Variants in THG1L observed in about 807,000 individuals in gnomAD.
THG1L encodes the protein tRNA-histidine guanylyltransferase 1 like.
Under a neutral mutation model 35.2 loss-of-function variants are expected in THG1L, and 27 were observed. The observed-to-expected ratio is 0.77, with a 90% confidence interval of 0.57 to 1.06. THG1L has a LOEUF of 1.06. Among genes scored for constraint, THG1L ranks in the 50% least tolerant of loss-of-function variants. The pLI is 0.00. For synonymous variants in THG1L, 135 were observed against 132.4 expected, an observed-to-expected ratio of 1.02 and a Z score of -0.14; for missense variants, 377 against 371.8, an observed-to-expected ratio of 1.01 and a Z score of -0.12.
chr5:157,735,767 G>T (rs1760854886), intron 3 of THG1L, 79 bp from the exon 4 acceptor site: 2 of 971,910 alleles, frequency 2.1e-6, no homozygotes, highest in South Asian at 1.6e-5. Context: ...AGAGGGTCAG[G>T]GCTCTAGTAT....
intron 1 of THG1L, among the ~76,000 whole-genome samples, chr5:157,732,262 A>G (rs1284616269): frequency 1.4e-5 from 2 of 148,012 alleles, no homozygotes; most frequent in Non-Finnish European, 3.0e-5. Context: ...AGAGAGAGAA[A>G]GAAGGAAGAG....
rs1319921834 is a variant in THG1L, at chr5:157,734,716, A to G, written c.509A>G (p.Lys170Arg). 2 of 1,614,060 alleles carry G rather than the reference A, an allele frequency of 1.2e-6. No homozygotes were observed. The highest frequency in any genetic ancestry group is 2.7e-5 in the African/African-American group (2 of 74,932). The change falls in exon 3 of 6, where the codon AAG becomes AGG. Residue 170 changes from lysine (K) to arginine (R), a missense_variant. Lys to Arg is a conservative substitution (Grantham distance 26). Coordinates refer to ENST00000231198, the MANE Select transcript of THG1L (RefSeq NM_017872.5). ...GTGTATCCCAGCAACCAGACTTTAA[A>G]GGACTACCTCAGCTGGCGACAAGCA... ...VVVYPSNQTL[K>R]DYLSWRQADC...
chr5:157,731,728 T>G (rs1760728109), intron 1 of THG1L, 97 bp downstream of exon 1: 578 of 1,456,784 alleles, frequency 4.0e-4, no homozygotes, highest in Middle Eastern at 5.1e-4. Context: ...CAGTCACGGT[T>G]ACCAGGGTAA....
Position 157,732,948 on chromosome 5 carries a change from T to C in THG1L, c.272T>C (p.Met91Thr). ...ATGACCAAATGTGCGCAGACTGTGA[T>C]GGAAGAACTAGAGGATATTGTGATC... ...QLMTKCAQTV[M>T]EELEDIVIAY... is the part of the protein sequence containing the mutation. The change falls in exon 2 of 6, where the codon ATG becomes ACG. Residue 91 changes from methionine to threonine, a missense_variant. By Grantham distance (81) the Met-to-Thr change is moderately conservative (BLOSUM62 -1). Coordinates refer to ENST00000231198, the MANE Select transcript of THG1L (RefSeq NM_017872.5). 1.9e-6 allele frequency: 3 copies of C among 1,614,238 alleles called. No homozygotes were observed. The highest frequency in any genetic ancestry group is 2.5e-6 in the Non-Finnish European group (3 of 1,180,048).
In THG1L at chr5:157,739,522, G is replaced by A. The variant is rs763722405; in HGVS notation, c.*40G>A. The A allele has an allele frequency of 1.1e-5, 17 of 1,582,788 alleles. No homozygotes were observed. Among genetic ancestry groups the A allele is most frequent in the African/African-American group, 5.4e-5 (4 of 73,810 alleles). ...AGTTCTGGTGTGCTTAACCATGCAA[G>A]CCCTCCCACCTCCCAGGGCTCCTTG... is the stretch of plus-strand genomic sequence containing the variant. On this transcript the variant is annotated 3_prime_UTR_variant, in exon 6 of 6. Transcript: ENST00000231198.
intron 4 of THG1L, 113 bp from the exon 5 acceptor site, chr5:157,737,774 A>C: frequency 1.3e-6 from 1 of 746,096 alleles, no homozygotes; most frequent in Non-Finnish European, 2.2e-6. Context: ...GATGTTTGAT[A>C]AAATCCTTCC....
At chr5:157,737,821 T>C in intron 4 of THG1L, 66 bp from the exon 5 acceptor site, 1 of 1,273,082 alleles carries the variant, frequency 7.9e-7, no homozygotes, top group Non-Finnish European at 1.1e-6. Flanking sequence ...GTGGGTCGAA[T>C]GGATAGTAGC....
At chr5:157,735,230 G>A (rs555748516) in intron 3 of THG1L, among the ~76,000 whole-genome samples, 7 of 152,098 alleles carry the variant, frequency 4.6e-5, no homozygotes, top group Non-Finnish European at 7.4e-5. Context: ...GAGCCACCAC[G>A]CCCAGCCGCC....
Position 157,734,727 on chromosome 5 carries a change from A to G in THG1L, c.520A>G (p.Ser174Gly). The G allele has an allele frequency of 6.2e-7, 1 of 1,614,160 alleles. No homozygotes were observed. Among genetic ancestry groups the G allele is most frequent in the South Asian group, 1.1e-5 (1 of 91,082 alleles). The change falls in exon 3 of 6, where the codon AGC becomes GGC. Residue 174 changes from serine (S) to glycine (G), a missense_variant. By Grantham distance (56) the Ser-to-Gly change is moderately conservative. Transcript: ENST00000231198. ...PSNQTLKDYL[S>G]WRQADCHINN... ...CAACCAGACTTTAAAGGACTACCTC[A>G]GCTGGCGACAAGCAGATTGTGAGTG...
rs900565288 is a variant in THG1L at position 157,739,797 on chromosome 5, A to G, written c.*315A>G. 5 of 205,434 alleles carry G rather than the reference A, an allele frequency of 2.4e-5. No homozygotes were observed. The Admixed American group carries it at 3.0e-4, about 12-fold the overall frequency. The allele number at this position is 205,434 out of a possible 1,614,324, so 12.7% of individuals were successfully genotyped here. ...GAGAATGAATCATTTTTAGATTGTG[A>G]CATAAATCTTGTAAAAACCTGTCAG... On this transcript the variant is annotated 3_prime_UTR_variant, in exon 6 of 6. Coordinates refer to ENST00000231198, the MANE Select transcript of THG1L (RefSeq NM_017872.5).
At chr5:157,736,360 G>A (rs1040162447) in intron 4 of THG1L, among the ~76,000 whole-genome samples, 9 of 151,304 alleles carry the variant, frequency 5.9e-5, no homozygotes, top group East Asian at 5.8e-4. Flanking sequence ...AGCGATTCTC[G>A]TGCCTCAGCC....
At chr5:157,736,079 G>C in intron 4 of THG1L, 145 bp downstream of exon 4, 1 of 619,660 alleles carries the variant, frequency 1.6e-6, no homozygotes, top group Non-Finnish European at 2.8e-6. Context: ...ATCATAATAG[G>C]AGCAGCTCTG....
At chr5:157,732,171 GT>G (rs1760739807) in intron 1 of THG1L, among the ~76,000 whole-genome samples, 2 of 92,368 alleles carry the variant, frequency 2.2e-5, no homozygotes, top group African/African-American at 8.1e-5. Flanking sequence ...TTTTGTTTTT[GT>G]TTTGTTTTTT....
chr5:157,739,465 C>G lies in THG1L; in HGVS notation c.880C>G (p.Leu294Val). ...TTTCTGGAAGGAACATCCAGAGATT[C>G]TAGATGAAGACAGCTGACCCTTTTG... ...DAFWKEHPEI[L>V]DEDS The change falls in exon 6 of 6, where the codon CTA (leucine) becomes GTA (valine). Residue 294 changes from leucine (L) to valine (V), a missense_variant. Physicochemically the swap from Leu to Val is conservative, Grantham distance 32. Transcript: ENST00000231198. The G allele has an allele frequency of 1.2e-6, 2 of 1,612,928 alleles. No individual in the cohort carries two copies. The highest frequency in any genetic ancestry group is 1.7e-4 in the Middle Eastern group (1 of 6,058).
rs1472748609 is a variant in THG1L, at chr5:157,740,201, T to C, written c.*719T>C. 1 of 152,238 alleles carries C rather than the reference T, an allele frequency of 6.6e-6. No homozygotes were observed. Among genetic ancestry groups the C allele is most frequent in the African/African-American group, 2.4e-5 (1 of 41,456 alleles). The allele number at this position is 152,238 out of a possible 1,614,324, so 9.4% of individuals were successfully genotyped here. On this transcript the variant is annotated 3_prime_UTR_variant, in exon 6 of 6. Transcript: ENST00000231198. ...GAAGAAACAGAATTATGTGTATATATGAGAGAAAGAAACAAGAATGCGTGA... is the reference window on the plus strand; with the variant it reads ...GAAGAAACAGAATTATGTGTATATACGAGAGAAAGAAACAAGAATGCGTGA...
rs961840756 is a variant in THG1L at position 157,737,886 on chromosome 5, G to A, written c.628-1G>A. 6.2e-7 allele frequency: 1 copy of A among 1,610,516 alleles called. No homozygotes were observed. Reference sequence around the variant, plus strand: ...TTTAATATCTATTTTTATTTTCTCAGGGAACTCTTGCAGCAGACAAGAATG... The same window carrying A: ...TTTAATATCTATTTTTATTTTCTCAAGGAACTCTTGCAGCAGACAAGAATG... On this transcript the variant is annotated splice_acceptor_variant, in intron 4 of 5. Transcript: ENST00000231198. LOFTEE classifies it high-confidence loss of function.
intron 4 of THG1L, among the ~76,000 whole-genome samples, chr5:157,736,666 G>T (rs6873264): frequency 6.6e-6 from 1 of 152,030 alleles, no homozygotes; most frequent in Non-Finnish European, 1.5e-5. Flanking sequence ...GGAAGAGTTC[G>T]TGCTGAGTTT....
In THG1L at chr5:157,734,611, C is replaced by T. The variant is rs1186222217; in HGVS notation, c.404C>T (p.Ser135Phe). The change falls in exon 3 of 6, where the codon TCC becomes TTC. Residue 135 changes from serine to phenylalanine, a missense_variant. Ser to Phe is a radical substitution (Grantham distance 155). Transcript: ENST00000231198. ...ACTCACGTGGCCTCCCAGTTTGCCTCCAGCTATGTGTTTTATTGGCGGGAT... is the reference window on the plus strand; with the variant it reads ...ACTCACGTGGCCTCCCAGTTTGCCTTCAGCTATGTGTTTTATTGGCGGGAT... Reference protein sequence around the residue: ...FMTHVASQFASSYVFYWRDYF... With the variant: ...FMTHVASQFAFSYVFYWRDYF... 6.2e-7 allele frequency: 1 copy of T among 1,614,186 alleles called. No homozygotes were observed. Among genetic ancestry groups the T allele is most frequent in the East Asian group, 2.2e-5 (1 of 44,874 alleles).
intron 1 of THG1L, among the ~76,000 whole-genome samples, chr5:157,732,094 G>GA (rs1760738116): frequency 6.6e-6 from 1 of 151,530 alleles, no homozygotes; most frequent in Non-Finnish European, 1.5e-5. Context: ...CAGAGAGTCA[G>GA]AAAAAAAGAG....
Sources: gnomAD v4.1 joint callset for allele counts (sites outside exome capture counted in the v4.1 genomes callset) on GRCh38, gnomAD v4.1.1 for gene constraint, MANE v1.5 for transcripts, NCBI Gene and HGNC (gene_info 2026-07-23, HGNC 2026-07-21) for gene names.